ZNF180: variants seen among roughly 807,000 people sequenced by gnomAD.
ZNF180 encodes the protein zinc finger protein 180, also known as zinc finger protein 180 (HHZ168).
A neutral mutation model predicts 11.8 loss-of-function variants in ZNF180; 11 were observed. That is an observed-to-expected ratio of 0.93 (90% CI 0.59 to 1.55). ZNF180 has a LOEUF of 1.55. ZNF180 is among the 40% of genes most tolerant of loss of function. The pLI, the probability that ZNF180 is intolerant of heterozygous loss-of-function variation, is 0.00. For missense variants in ZNF180, 773 were observed against 781.7 expected, an observed-to-expected ratio of 0.99 and a Z score of 0.13; for synonymous variants, 287 against 257.7, an observed-to-expected ratio of 1.11 and a Z score of -1.09.
intron 1 of ZNF180, 90 bp from the exon 2 acceptor site, chr19:44,497,467 A>G: frequency 7.6e-7 from 1 of 1,307,416 alleles, no homozygotes; most frequent in Non-Finnish European, 1.0e-6. Flanking sequence ...CCCAGGATGC[A>G]GGATGCATTC....
At chr19:44,497,603 T>C (rs1316549084) in intron 1 of ZNF180, among the ~76,000 whole-genome samples, 1 of 152,088 alleles carries the variant, frequency 6.6e-6, no homozygotes, top group Non-Finnish European at 1.5e-5. Flanking sequence ...TCCTCCACCA[T>C]CTTGGGCCCC....
chr19:44,491,762 AG>A (rs2048992545), intron 2 of ZNF180, among the ~76,000 whole-genome samples: 1 of 152,064 alleles, frequency 6.6e-6, no homozygotes, highest in Non-Finnish European at 1.5e-5. Context: ...TTTTTTGTAG[AG>A]GTGGGAGTTT....
At chr19:44,483,566 T>C (rs1970137839) in intron 3 of ZNF180, among the ~76,000 whole-genome samples, 1 of 152,206 alleles carries the variant, frequency 6.6e-6, no homozygotes, top group Non-Finnish European at 1.5e-5. Context: ...TAATCCAAAA[T>C]TGCTATTTTA....
At position 44,478,066 on chromosome 19, in the gene ZNF180, T is replaced by A. The variant is rs199779777; in HGVS notation, c.334A>T (p.Ile112Leu). The change falls in exon 5 of 5, where the codon ATA (isoleucine) becomes TTA (leucine). Residue 112 changes from isoleucine to leucine, a missense_variant. By Grantham distance (5) the Ile-to-Leu change is conservative. Coordinates refer to ENST00000592529, the MANE Select transcript of ZNF180 (RefSeq NM_001278509.3). ...GGATCATCCCTTGTAAACCTTTCTA[T>A]CTTCACTCCATTAGCTGGTTCTTCA... is the stretch of plus-strand genomic sequence containing the variant. ...FDEEPANGVK[I>L]ERFTRDDPWL... 3.6e-4 allele frequency: 576 copies of A among 1,613,014 alleles called. 1 individual carries two copies. Among genetic ancestry groups the A allele is most frequent in the Middle Eastern group, 2.8e-3 (17 of 6,058 alleles).
chr19:44,479,400 T>C lies in ZNF180; in HGVS notation c.136A>G (p.Asn46Asp). 6.2e-7 allele frequency: 1 copy of C among 1,613,846 alleles called. No homozygotes were observed. Among genetic ancestry groups the C allele is most frequent in the Non-Finnish European group, 8.5e-7 (1 of 1,179,850 alleles). Reference protein sequence around the residue: ...SLTIPSQEGVNFKIVTVDFTR... With the variant: ...SLTIPSQEGVDFKIVTVDFTR... ...AAGTCCACAGTCACAATTTTGAAGTTCACTCCTTCCTAAAAAAGGACACAC... is the reference window on the plus strand; with the variant it reads ...AAGTCCACAGTCACAATTTTGAAGTCCACTCCTTCCTAAAAAAGGACACAC... The change falls in exon 4 of 5, where the codon AAC becomes GAC. Residue 46 changes from asparagine (N) to aspartate (D), a missense_variant. By Grantham distance (23) the Asn-to-Asp change is conservative. Transcript: ENST00000592529.
At position 44,500,236 on chromosome 19, in the gene ZNF180, C is replaced by T. The variant is rs147782104; in HGVS notation, c.-44+39G>A. The stretch of plus-strand genomic sequence containing the variant: ...TTCCCGCGTAGACCCTGCGCATGCG[C>T]GCATCGGACACCAAGCGCTGCCCCA... On this transcript the variant is annotated intron_variant, in intron 1 of 4. Coordinates refer to ENST00000592529, the MANE Select transcript of ZNF180 (RefSeq NM_001278509.3). 4.5e-4 allele frequency: 728 copies of T among 1,614,042 alleles called. 5 individuals carry two copies. In the African/African-American group the frequency reaches 7.3e-3, roughly 16 times the overall value.
chr19:44,477,469 A>C lies in ZNF180; in HGVS notation c.931T>G (p.Ser311Ala). The change falls in exon 5 of 5, where the codon TCC (serine) becomes GCC (alanine). Residue 311 changes from serine to alanine, a missense_variant. Transcript: ENST00000592529. ...TTTCTCATGTTTTGAGTAAGGGAGG[A>C]ACTATGAGAGGTTTCACTACATTTA... Reference protein sequence around the residue: ...QYKCSETSHSSSLTQNMRNNS... With the variant: ...QYKCSETSHSASLTQNMRNNS... 5.6e-6 allele frequency: 9 copies of C among 1,614,040 alleles called. No individual in the cohort carries two copies. Among genetic ancestry groups the C allele is most frequent in the Non-Finnish European group, 7.6e-6 (9 of 1,179,954 alleles).
chr19:44,488,676 C>T (rs2123475705), intron 2 of ZNF180, among the ~76,000 whole-genome samples: 1 of 152,108 alleles, frequency 6.6e-6, no homozygotes, highest in South Asian at 2.1e-4. Flanking sequence ...AGCCTCTGCC[C>T]AGCTGCCACC....
chr19:44,492,604 G>A (rs534248407), intron 2 of ZNF180, among the ~76,000 whole-genome samples: 9 of 152,268 alleles, frequency 5.9e-5, no homozygotes, highest in East Asian at 1.9e-4. Context: ...TGACCTGTCC[G>A]CTTCATAGTA....
intron 2 of ZNF180, among the ~76,000 whole-genome samples, chr19:44,492,724 G>C (rs1233126070): frequency 6.6e-6 from 1 of 152,186 alleles, no homozygotes; most frequent in African/African-American, 2.4e-5. Flanking sequence ...ATAAAATGAA[G>C]TTTCTAATCA....
chr19:44,496,997 C>T (rs1970605634), intron 2 of ZNF180, among the ~76,000 whole-genome samples: 1 of 152,254 alleles, frequency 6.6e-6, no homozygotes, highest in South Asian at 2.1e-4. Context: ...TAGTATATTT[C>T]CAATTGTTCA....
At chr19:44,491,882 CT>C (rs1305810267) in intron 2 of ZNF180, among the ~76,000 whole-genome samples, 2 of 151,940 alleles carry the variant, frequency 1.3e-5, no homozygotes, top group Non-Finnish European at 2.9e-5. Context: ...CTGGCCTAAA[CT>C]TTTTTTTGAA....
chr19:44,500,341 C>A lies in ZNF180; in HGVS notation c.-110G>T. 1.3e-6 allele frequency: 2 copies of A among 1,493,014 alleles called. No individual in the cohort carries two copies. Among genetic ancestry groups the A allele is most frequent in the Non-Finnish European group, 1.9e-6 (2 of 1,080,048 alleles). 92.5% of individuals were successfully genotyped at this position (1,493,014 alleles called of 1,614,324 possible). A position where few individuals can be genotyped will look rare whatever the true frequency, so the allele number is the denominator to read the frequency against. ...CGCCTCAGTGCCTAGCACGGCTCTG[C>A]GGCAGGACGAACTCGGGTTAGGCAA... On this transcript the variant is annotated 5_prime_UTR_variant, in exon 1 of 5. Coordinates refer to ENST00000592529, the MANE Select transcript of ZNF180 (RefSeq NM_001278509.3).
rs758955150 is a variant in ZNF180, at chr19:44,500,288, G to A, written c.-57C>T. 6.2e-7 allele frequency: 1 copy of A among 1,611,060 alleles called. No homozygotes were observed. The highest frequency in any genetic ancestry group is 1.7e-5 in the Admixed American group (1 of 59,984). ...GCCCCTACCAACCTGGGCGTCCGCT[G>A]GCCCGCAGCCCAGGCTGGGCCTGTC... On this transcript the variant is annotated 5_prime_UTR_variant, in exon 1 of 5. Transcript: ENST00000592529.
intron 2 of ZNF180, 198 bp from the exon 3 acceptor site, chr19:44,484,633 C>A: frequency 3.4e-6 from 2 of 592,792 alleles, no homozygotes; most frequent in Non-Finnish European, 6.1e-6. Context: ...TGGAGGAGCA[C>A]CAAGGCCCAC....
chr19:44,487,677 C>T (rs1486723815), intron 2 of ZNF180, among the ~76,000 whole-genome samples: 1 of 152,184 alleles, frequency 6.6e-6, no homozygotes, highest in African/African-American at 2.4e-5. Flanking sequence ...TGGGGCTGCT[C>T]TGCTTATGGA....
rs1182367946 is a variant in ZNF180, at chr19:44,490,529, C to A, written c.52-6094G>T. 4.7e-4 allele frequency among the ~76,000 whole-genome samples: 72 copies of A among 152,088 alleles called. 1 individual carries two copies. Among genetic ancestry groups the A allele is most frequent in the Admixed American group, 4.6e-3 (71 of 15,276 alleles). On this transcript the variant is annotated intron_variant, in intron 2 of 4. Coordinates refer to ENST00000592529, the MANE Select transcript of ZNF180 (RefSeq NM_001278509.3). ...TGATATACACCCGTGACAAATACAT[C>A]TTTTCTTAAAAAAATGCCTGGGAAA...
Position 44,489,124 on chromosome 19 carries a change from G to A in ZNF180, c.52-4689C>T, listed in dbSNP as rs1332380727. On this transcript the variant is annotated intron_variant, in intron 2 of 4. Coordinates refer to ENST00000592529, the MANE Select transcript of ZNF180 (RefSeq NM_001278509.3). Reference sequence around the variant, plus strand: ...AGGTGGGGGGGCCAGCCTCCCGCCCGGCCAGCCGCCCCGTCCGGGAGGGAG... The same window carrying A: ...AGGTGGGGGGGCCAGCCTCCCGCCCAGCCAGCCGCCCCGTCCGGGAGGGAG... Among the ~76,000 whole-genome samples the A allele has an allele frequency of 8.6e-4, 119 of 138,920 alleles. 1 individual carries two copies. Among genetic ancestry groups the A allele is most frequent in the African/African-American group, 2.5e-3 (93 of 37,008 alleles). 91.1% of individuals were successfully genotyped at this position (138,920 alleles called of 152,430 possible).
intron 2 of ZNF180, among the ~76,000 whole-genome samples, chr19:44,489,194 GGTGAGGGGCGCCT>G (rs1970351170): frequency 1.8e-4 from 9 of 51,208 alleles, no homozygotes; most frequent in Non-Finnish European, 4.5e-4. Context: ...CCGTCTGGGA[GGTGAGGGGCGCCT>G]CTGCCCGGCC....
Sources: allele counts gnomAD v4.1 joint callset (sites outside exome capture counted in the v4.1 genomes callset), GRCh38; gene constraint gnomAD v4.1.1; transcripts MANE v1.5; gene names NCBI Gene and HGNC (gene_info 2026-07-23, HGNC 2026-07-21).